Variants in PTGIS observed in about 807,000 individuals in gnomAD.
PTGIS encodes the protein prostacyclin synthase.
Under a neutral mutation model 50.3 loss-of-function variants are expected in PTGIS, and 45 were observed. The ratio of observed to expected loss-of-function variants is 0.90; its 90% CI spans 0.70 to 1.15. The LOEUF (loss-of-function observed/expected upper bound fraction) is 1.15. PTGIS is among the 50% of genes most tolerant of loss of function. PTGIS has a pLI of 0.00. For missense variants in PTGIS, 668 were observed against 661.3 expected (o/e 1.01, Z -0.11); for synonymous variants, 260 against 267.7 (o/e 0.97, Z 0.28).
intron 5 of PTGIS, among the ~76,000 whole-genome samples, chr20:49,526,369 C>G (rs961671484): frequency 6.6e-6 from 1 of 152,082 alleles, no homozygotes; most frequent in Non-Finnish European, 1.5e-5. Flanking sequence ...CAACTGCAAT[C>G]TTGAATATCA....
At chr20:49,529,214 G>C (rs1195641142) in intron 5 of PTGIS, among the ~76,000 whole-genome samples, 1 of 151,962 alleles carries the variant, frequency 6.6e-6, no homozygotes, top group Admixed American at 6.6e-5. Flanking sequence ...TAAATCTCCA[G>C]AACTTATTCA....
chr20:49,539,626 G>T lies in PTGIS; in HGVS notation c.617C>A (p.Thr206Asn), dbSNP rs2122876748. 6.2e-7 allele frequency: 1 copy of T among 1,614,090 alleles called. No homozygotes were observed. Residue 206 changes from threonine to asparagine, a missense_variant, in exon 5 of 10, where the codon ACC becomes AAC. Physicochemically the swap from Thr to Asn is moderately conservative, Grantham distance 65. Coordinates refer to ENST00000244043, the MANE Select transcript of PTGIS (RefSeq NM_000961.4). The stretch of plus-strand genomic sequence containing the variant: ...GAGCAGCCGGTCGAGCTGGCGAAAG[G>T]TGTGGAAGACATCAGCTGAGTGGAC... ...DRVHSADVFH[T>N]FRQLDRLLPK...
At position 49,526,320 on chromosome 20, in the gene PTGIS, G is replaced by C. The variant is rs546776932; in HGVS notation, c.674-2081C>G. 3.4e-4 allele frequency among the ~76,000 whole-genome samples: 51 copies of C among 152,086 alleles called. No individual in the cohort carries two copies. The South Asian group carries it at 7.7e-3, about 23-fold the overall frequency. On this transcript the variant is annotated intron_variant, in intron 5 of 9. Coordinates refer to ENST00000244043, the MANE Select transcript of PTGIS (RefSeq NM_000961.4). The stretch of plus-strand genomic sequence containing the variant: ...AAAAGAGGCAAAGAAATTTAACACA[G>C]CTTTAGAAATAACTGGCATTCTTTG...
At chr20:49,516,468 T>A (rs921075974) in intron 6 of PTGIS, among the ~76,000 whole-genome samples, 7 of 152,272 alleles carry the variant, frequency 4.6e-5, no homozygotes, top group African/African-American at 1.4e-4. Context: ...AAAGATGAGG[T>A]CTCACTATGT....
At chr20:49,520,089 A>C (rs1232864912) in intron 6 of PTGIS, among the ~76,000 whole-genome samples, 1 of 152,140 alleles carries the variant, frequency 6.6e-6, no homozygotes, top group Non-Finnish European at 1.5e-5. Flanking sequence ...GTAAAAGCCA[A>C]AGCCCTCCCC....
In PTGIS at chr20:49,504,425, G is replaced by A. The variant is rs1981084064; in HGVS notation, c.*3495C>T. The A allele has an allele frequency of 6.6e-6, 1 of 152,214 alleles. No homozygotes were observed. Among genetic ancestry groups the A allele is most frequent in the African/African-American group, 2.4e-5 (1 of 41,442 alleles). The allele number at this position is 152,214 out of a possible 1,614,324, so 9.4% of individuals were successfully genotyped here. ...AAAAACAAAGTTTAGGCCGGGCATG[G>A]TGGCTCATGCCTGTAATCCTAGCAC... On this transcript the variant is annotated 3_prime_UTR_variant, in exon 10 of 10. Coordinates refer to ENST00000244043, the MANE Select transcript of PTGIS (RefSeq NM_000961.4).
Position 49,507,862 on chromosome 20 carries a change from G to A in PTGIS, c.*58C>T. On this transcript the variant is annotated 3_prime_UTR_variant, in exon 10 of 10. Coordinates refer to ENST00000244043, the MANE Select transcript of PTGIS (RefSeq NM_000961.4). ...TGTGCACACAGAAAGCTGGGAGGCT[G>A]GGGCAGGCTGGGGCAGGCTGGGCAG... is the stretch of plus-strand genomic sequence containing the variant. The A allele has an allele frequency of 6.3e-7, 1 of 1,599,050 alleles. No homozygotes were observed. Among genetic ancestry groups the A allele is most frequent in the South Asian group, 1.1e-5 (1 of 90,642 alleles).
intron 5 of PTGIS, among the ~76,000 whole-genome samples, chr20:49,538,232 G>C (rs1033578388): frequency 1.5e-5 from 2 of 137,786 alleles, no homozygotes; most frequent in African/African-American, 5.5e-5. Flanking sequence ...TCCAGCCTGG[G>C]TGACAGAGTG....
At chr20:49,529,942 G>T (rs1044840687) in intron 5 of PTGIS, among the ~76,000 whole-genome samples, 1 of 152,116 alleles carries the variant, frequency 6.6e-6, no homozygotes, top group South Asian at 2.1e-4. Flanking sequence ...ATCACCTGAG[G>T]TCGGGAGTTC....
chr20:49,557,990 G>C (rs1165369615), intron 1 of PTGIS, among the ~76,000 whole-genome samples: 1 of 152,046 alleles, frequency 6.6e-6, no homozygotes, highest in Admixed American at 6.6e-5. Flanking sequence ...CTTAACCTTG[G>C]AAAAAGAAAC....
At chr20:49,527,692 T>C (rs1568674331) in intron 5 of PTGIS, among the ~76,000 whole-genome samples, 1 of 152,224 alleles carries the variant, frequency 6.6e-6, no homozygotes, top group Admixed American at 6.5e-5. Flanking sequence ...TTATACAACA[T>C]TGTGAATGTA....
At position 49,522,547 on chromosome 20, in the gene PTGIS, C is replaced by G. The variant is rs1250529152; in HGVS notation, c.855+1511G>C. ...CTCACTATGTTGCCCAGGCTGGTCT[C>G]AAACTCCTGGGCTCAAGCAATCCTC... On this transcript the variant is annotated intron_variant, in intron 6 of 9. Transcript: ENST00000244043. 3.3e-5 allele frequency among the ~76,000 whole-genome samples: 5 copies of G among 152,008 alleles called. No individual in the cohort carries two copies. In the East Asian group the frequency reaches 9.7e-4, roughly 29 times the overall value.
chr20:49,526,528 A>G (rs1015963824), intron 5 of PTGIS, among the ~76,000 whole-genome samples: 2 of 152,254 alleles, frequency 1.3e-5, no homozygotes, highest in Non-Finnish European at 2.9e-5. Flanking sequence ...GTAATGCAGT[A>G]TGAAAAGACA....
At chr20:49,548,614 AGATG>A (rs759506899) in intron 2 of PTGIS, among the ~76,000 whole-genome samples, 9 of 151,266 alleles carry the variant, frequency 5.9e-5, no homozygotes, top group African/African-American at 1.9e-4. Flanking sequence ...ATGGATGAAT[AGATG>A]GATGGATGGA....
At chr20:49,512,637 G>T (rs1434078753) in intron 8 of PTGIS, among the ~76,000 whole-genome samples, 2 of 152,216 alleles carry the variant, frequency 1.3e-5, no homozygotes, top group Admixed American at 1.3e-4. Flanking sequence ...CAAGGCAAAA[G>T]TGTTGAGAAA....
chr20:49,511,455 G>T (rs574820952), intron 8 of PTGIS, among the ~76,000 whole-genome samples: 6 of 152,304 alleles, frequency 3.9e-5, no homozygotes, highest in Non-Finnish European at 8.8e-5. Context: ...TCTTTTCATG[G>T]CATGTGAATG....
At position 49,535,677 on chromosome 20, in the gene PTGIS, G is replaced by C. The variant is rs556317497; in HGVS notation, c.673+3893C>G. On this transcript the variant is annotated intron_variant, in intron 5 of 9. Transcript: ENST00000244043. ...TTACAGGCGCTTGCCGCCATGCCCGGCTAATTTTTTGTATTTTTGGTAGAG... is the reference window on the plus strand; with the variant it reads ...TTACAGGCGCTTGCCGCCATGCCCGCCTAATTTTTTGTATTTTTGGTAGAG... Among the ~76,000 whole-genome samples, 8 of 152,278 alleles carry C rather than the reference G, an allele frequency of 5.3e-5. No individual in the cohort carries two copies. In the South Asian group the frequency reaches 1.7e-3, roughly 32 times the overall value.
chr20:49,520,879 A>G (rs1323665065), intron 6 of PTGIS, among the ~76,000 whole-genome samples: 1 of 151,578 alleles, frequency 6.6e-6, no homozygotes, highest in Non-Finnish European at 1.5e-5. Flanking sequence ...GGGTCTTGCT[A>G]TGTTGCCCAG....
chr20:49,548,002 C>A lies in PTGIS; in HGVS notation c.216G>T (p.Arg72Ser), dbSNP rs750791843. The A allele has an allele frequency of 2.5e-6, 4 of 1,613,906 alleles. No individual in the cohort carries two copies. The African/African-American group carries it at 5.3e-5, about 22-fold the overall frequency. The change falls in exon 3 of 10, where the codon AGG becomes AGT. Residue 72 changes from arginine to serine, a missense_variant. Transcript: ENST00000244043. Reference protein sequence around the residue: ...GDIFTILVGGRYVTVLLDPHS... With the variant: ...GDIFTILVGGSYVTVLLDPHS... The stretch of plus-strand genomic sequence containing the variant: ...GTGGGTCCAGGAGAACGGTGACATA[C>A]CTGCCCCCAACCAGTATCTGTGGGA...
Sources: allele counts gnomAD v4.1 joint callset (sites outside exome capture counted in the v4.1 genomes callset), GRCh38; gene constraint gnomAD v4.1.1; transcripts MANE v1.5; gene names NCBI Gene and HGNC (gene_info 2026-07-23, HGNC 2026-07-21).